Variants in BRSK1 observed in about 807,000 individuals in gnomAD.
The protein encoded by BRSK1 is BR serine/threonine kinase 1.
In BRSK1, 17 loss-of-function variants were observed where a neutral mutation model predicts 86.2. The observed-to-expected ratio is 0.20, with a 90% CI of 0.14 to 0.30. BRSK1 has a LOEUF of 0.30. Ranked by LOEUF, BRSK1 falls within the 10% of genes least tolerant of loss-of-function variation. BRSK1 has a pLI of 1.00. For synonymous variants in BRSK1, 464 were observed against 440.1 expected, an observed-to-expected ratio of 1.05 and a Z score of -0.68; for missense variants, 719 against 1,071.9, an observed-to-expected ratio of 0.67 and a Z score of 4.60.
Position 55,302,246 on chromosome 19 carries a change from G to A in BRSK1, c.857+78G>A. On this transcript the variant is annotated intron_variant, in intron 9 of 18. Coordinates refer to ENST00000309383, the MANE Select transcript of BRSK1 (RefSeq NM_032430.2). This position sits in a 1 kb window ranked among gnomAD's most constrained non-coding sequence, Gnocchi z 6.3. The stretch of plus-strand genomic sequence containing the variant: ...CCAAAGCAGTAGAAGCGGCTGGGAG[G>A]GGTGGGATGCCAGGGTTCCTGAGAG... The A allele has an allele frequency of 6.4e-7, 1 of 1,554,552 alleles. No homozygotes were observed. The highest frequency in any genetic ancestry group is 8.9e-7 in the Non-Finnish European group (1 of 1,126,180).
chr19:55,297,017 AAAAT>A (rs376313794), intron 7 of BRSK1, among the ~76,000 whole-genome samples: 112 of 152,076 alleles, frequency 7.4e-4, no homozygotes, highest in African/African-American at 2.4e-3. Flanking sequence ...CCTCGTCTCA[AAAAT>A]AAATAAATAA....
intron 8 of BRSK1, 30 bp downstream of exon 8, chr19:55,301,688 G>T: frequency 6.3e-7 from 1 of 1,594,776 alleles, no homozygotes. Flanking sequence ...GGCGGAGGGG[G>T]GAACAGTGGC....
Position 55,284,419 on chromosome 19 carries a change from G to C in BRSK1, c.-24G>C. On this transcript the variant is annotated 5_prime_UTR_variant, in exon 1 of 19. Transcript: ENST00000309383. ...CCGCAGGGGGGGCGGCCGGGGGACC[G>C]GTCGGGCCGGGACCAAGGGCACCAT... 8.7e-7 allele frequency: 1 copy of C among 1,146,468 alleles called. No individual in the cohort carries two copies. 71.0% of individuals were successfully genotyped at this position (1,146,468 alleles called of 1,614,324 possible).
At chr19:55,292,735 G>C (rs1349345165) in intron 4 of BRSK1, among the ~76,000 whole-genome samples, 1 of 152,002 alleles carries the variant, frequency 6.6e-6, no homozygotes, top group African/African-American at 2.4e-5. Context: ...TCGGGAGGCT[G>C]AGGCAGGAGA....
chr19:55,311,874 C>T, intron 18 of BRSK1, 37 bp from the exon 19 acceptor site: 1 of 1,604,876 alleles, frequency 6.2e-7, no homozygotes, highest in Non-Finnish European at 8.5e-7. Context: ...CAACCCTGGG[C>T]TGCGGAACCC....
At chr19:55,298,053 G>T (rs997932542) in intron 7 of BRSK1, among the ~76,000 whole-genome samples, 2 of 151,944 alleles carry the variant, frequency 1.3e-5, no homozygotes, top group South Asian at 4.2e-4. Flanking sequence ...GACCTCAGGT[G>T]ATCCACCCGC....
chr19:55,308,514 C>T (rs1332467929), intron 17 of BRSK1, 125 bp from the exon 18 acceptor site: 1 of 712,380 alleles, frequency 1.4e-6, no homozygotes, highest in African/African-American at 1.8e-5. Context: ...CCCAGCGGAG[C>T]AGGGGAGACG....
At position 55,304,815 on chromosome 19, in the gene BRSK1, C is replaced by G. The variant is rs1358315554; in HGVS notation, c.1612C>G (p.Pro538Ala). The G allele has an allele frequency of 6.3e-7, 1 of 1,579,734 alleles. No homozygotes were observed. The highest frequency in any genetic ancestry group is 1.8e-5 in the Admixed American group (1 of 54,768). Reference protein sequence around the residue: ...PTGTPGTTPPPSPGGGVGGAA... With the variant: ...PTGTPGTTPPASPGGGVGGAA... ...CGGGACCCCGGGGACAACACCACCC[C>G]CCAGCCCCGGCGGTGGCGTCGGGGG... Residue 538 changes from proline (P) to alanine (A), a missense_variant, in exon 14 of 19, where the codon CCC (proline) becomes GCC (alanine). By Grantham distance (27) the Pro-to-Ala change is conservative. Transcript: ENST00000309383. This position sits in a 1 kb window ranked among gnomAD's most constrained non-coding sequence, Gnocchi z 5.2.
intron 1 of BRSK1, among the ~76,000 whole-genome samples, chr19:55,285,387 G>C (rs1380886141): frequency 6.6e-6 from 1 of 152,112 alleles, no homozygotes; most frequent in Non-Finnish European, 1.5e-5. Context: ...GGGCCAGGGA[G>C]GGGATGGAGG....
chr19:55,311,647 T>C (rs924149277), intron 18 of BRSK1, among the ~76,000 whole-genome samples: 1 of 152,116 alleles, frequency 6.6e-6, no homozygotes, highest in Non-Finnish European at 1.5e-5. Flanking sequence ...CCAGGCCCCC[T>C]TGGACTAACC....
chr19:55,293,490 A>C (rs1044055373), intron 4 of BRSK1, among the ~76,000 whole-genome samples: 12 of 151,172 alleles, frequency 7.9e-5, no homozygotes, highest in East Asian at 5.9e-4. Flanking sequence ...TGATAGAATG[A>C]GACTCCATCT....
In BRSK1 at chr19:55,301,670, G is replaced by A. The variant is rs565942869; in HGVS notation, c.825+12G>A. The A allele has an allele frequency of 1.6e-5, 25 of 1,610,642 alleles. No homozygotes were observed. Among genetic ancestry groups the A allele is most frequent in the African/African-American group, 6.7e-5 (5 of 75,000 alleles). On this transcript the variant is annotated intron_variant, in intron 8 of 18. Coordinates refer to ENST00000309383, the MANE Select transcript of BRSK1 (RefSeq NM_032430.2). ...AAAAAAGGCTCAGTGTGAGTTGAGG[G>A]GGGGACCGGCGGAGGGGGGAACAGT...
rs754419549 is a variant in BRSK1 at position 55,302,772 on chromosome 19, C to T, written c.933C>T (p.Ser311=). The change falls in exon 10 of 19, where the codon TCC becomes TCT. Residue 311 remains serine (S), a synonymous_variant. Coordinates refer to ENST00000309383, the MANE Select transcript of BRSK1 (RefSeq NM_032430.2). This position sits in a 1 kb window ranked among gnomAD's most constrained non-coding sequence, Gnocchi z 6.3. Reference sequence around the variant, plus strand: ...GGGTAGCCATGCGGAGCCTGCCATCCAACGGAGAGCTGGACCCCGACGTCC... The same window carrying T: ...GGGTAGCCATGCGGAGCCTGCCATCTAACGGAGAGCTGGACCCCGACGTCC... ...GRRVAMRSLP[S]NGELDPDVLE... 6 of 1,613,700 alleles carry T rather than the reference C, an allele frequency of 3.7e-6. No homozygotes were observed. The highest frequency in any genetic ancestry group is 8.5e-7 in the Non-Finnish European group (1 of 1,179,946).
chr19:55,291,976 T>C (rs2088413356), intron 4 of BRSK1, among the ~76,000 whole-genome samples: 1 of 152,154 alleles, frequency 6.6e-6, no homozygotes, highest in Non-Finnish European at 1.5e-5. Context: ...GCCAGGCTGG[T>C]CTCGAACTCC....
Position 55,304,715 on chromosome 19 carries a change from C to T in BRSK1, c.1512C>T (p.Gly504=), listed in dbSNP as rs989684885. 1.3e-6 allele frequency: 2 copies of T among 1,496,576 alleles called. No individual in the cohort carries two copies. Among genetic ancestry groups the T allele is most frequent in the Admixed American group, 2.3e-5 (1 of 43,930 alleles). The allele number at this position is 1,496,576 out of a possible 1,614,324, so 92.7% of individuals were successfully genotyped here. A position where few individuals can be genotyped will look rare whatever the true frequency, so the allele number is the denominator to read the frequency against. ...PPSARSTPLP[G]PPGSPRSSGG... The stretch of plus-strand genomic sequence containing the variant: ...GTGCCCGCTCCACACCCCTGCCCGG[C>T]CCCCCAGGCTCCCCGCGCTCCTCTG... Residue 504 remains glycine, a synonymous_variant, in exon 14 of 19, where the codon GGC becomes GGT. Transcript: ENST00000309383. This position sits in a 1 kb window ranked among gnomAD's most constrained non-coding sequence, Gnocchi z 5.2.
chr19:55,311,097 G>A (rs1348261768), intron 18 of BRSK1, among the ~76,000 whole-genome samples: 1 of 152,068 alleles, frequency 6.6e-6, no homozygotes, highest in Non-Finnish European at 1.5e-5. Flanking sequence ...GAGTAGCTGG[G>A]ATTACAGGTG....
In BRSK1 at chr19:55,303,862, C is replaced by A; in HGVS notation, c.1286+36C>A. 1 of 1,540,626 alleles carries A rather than the reference C, an allele frequency of 6.5e-7. No individual in the cohort carries two copies. Among genetic ancestry groups the A allele is most frequent in the Non-Finnish European group, 8.7e-7 (1 of 1,144,714 alleles). ...CTGTCCCTCCAGGAGGATCCACAAT[C>A]CCTGGGTCTAGGAGTTCAAGATTCT... On this transcript the variant is annotated intron_variant, in intron 12 of 18. Transcript: ENST00000309383. This position sits in a 1 kb window ranked among gnomAD's most constrained non-coding sequence, Gnocchi z 5.1.
chr19:55,295,856 C>T (rs1416012028), intron 7 of BRSK1, among the ~76,000 whole-genome samples: 1 of 152,148 alleles, frequency 6.6e-6, no homozygotes, highest in Non-Finnish European at 1.5e-5. Context: ...GTAGTCCCAG[C>T]TACTCAGGAG....
rs773858325 is a variant in BRSK1 at position 55,304,540 on chromosome 19, G to A, written c.1348-11G>A. 3.8e-5 allele frequency: 60 copies of A among 1,563,598 alleles called. No individual in the cohort carries two copies. The highest frequency in any genetic ancestry group is 5.0e-5 in the Non-Finnish European group (58 of 1,160,432). On this transcript the variant is annotated splice_polypyrimidine_tract_variant and intron_variant, in intron 13 of 18. Transcript: ENST00000309383. This position sits in a 1 kb window ranked among gnomAD's most constrained non-coding sequence, Gnocchi z 5.2. Reference sequence around the variant, plus strand: ...GTCCACTCGCTTATCTCAGTCTCCTGTCCTCTGCAGAGTCCGGTCTTTTCC... The same window carrying A: ...GTCCACTCGCTTATCTCAGTCTCCTATCCTCTGCAGAGTCCGGTCTTTTCC...
Sources: gnomAD v4.1 joint callset for allele counts (sites outside exome capture counted in the v4.1 genomes callset) on GRCh38, gnomAD v4.1.1 for gene constraint, Gnocchi (gnomAD v3.1) non-coding constraint, MANE v1.5 for transcripts, NCBI Gene and HGNC (gene_info 2026-07-23, HGNC 2026-07-21) for gene names.